The following MALRD1 variants were observed in gnomAD, a reference collection of about 807,000 sequenced individuals.
The protein encoded by MALRD1 is MAM and LDL receptor class A domain containing 1, also known as MAM and LDL-receptor class A domain-containing protein 1.
MALRD1 carries 247 observed loss-of-function variants against 242.1 expected under a neutral mutation model. That is an observed-to-expected ratio of 1.02 (90% confidence interval 0.92 to 1.13). The LOEUF is 1.13. Among genes scored for constraint, MALRD1 ranks in the 50% most tolerant of loss-of-function variants. The pLI is 0.00. For synonymous variants in MALRD1, 995 were observed against 866.6 expected, an observed-to-expected ratio of 1.15 and a Z score of -2.60; for missense variants, 2,989 against 2,533.1, an observed-to-expected ratio of 1.18 and a Z score of -3.86.
At chr10:19,176,672 C>A (rs1835264301) in intron 14 of MALRD1, among the ~76,000 whole-genome samples, 1 of 152,030 alleles carries the variant, frequency 6.6e-6, no homozygotes, top group Non-Finnish European at 1.5e-5. Flanking sequence ...CCGCGCCCGG[C>A]CCTGGGTGCT....
At chr10:19,591,847 G>C (rs77964087) in intron 33 of MALRD1, among the ~76,000 whole-genome samples, 26 of 152,248 alleles carry the variant, frequency 1.7e-4, no homozygotes, top group African/African-American at 6.3e-4. Flanking sequence ...CAAGTCAAAA[G>C]ATAAAGATAG....
At chr10:19,583,532 A>G (rs1189609328) in intron 33 of MALRD1, among the ~76,000 whole-genome samples, 1 of 150,628 alleles carries the variant, frequency 6.6e-6, no homozygotes, top group African/African-American at 2.4e-5. Flanking sequence ...ACATTTATTG[A>G]TTTGCGTATA....
intron 5 of MALRD1, among the ~76,000 whole-genome samples, chr10:19,111,039 T>C (rs1836660391): frequency 6.6e-6 from 1 of 152,204 alleles, no homozygotes. Flanking sequence ...AAGATTTTGC[T>C]ATCATTTTAG....
chr10:19,171,658 CTATGTGTGTATATAAATACACACATA>C (rs1036103925), intron 13 of MALRD1, among the ~76,000 whole-genome samples: 2 of 139,356 alleles, frequency 1.4e-5, no homozygotes, highest in Non-Finnish European at 3.1e-5. Flanking sequence ...ATATATATGT[CTATGTGTGTATATAAATACACACATA>C]TATGTGTGTA....
At chr10:19,146,388 C>T (rs756320929) in intron 11 of MALRD1, 44 bp downstream of exon 11, 104 of 1,206,450 alleles carry the variant, frequency 8.6e-5, no homozygotes, top group Non-Finnish European at 1.0e-4. Flanking sequence ...TTCTTTCTTG[C>T]ATGTTGTGGA....
At chr10:19,315,193 A>T (rs11009418) in intron 21 of MALRD1, among the ~76,000 whole-genome samples, 39 of 124,318 alleles carry the variant, frequency 3.1e-4, no homozygotes, top group Admixed American at 4.5e-4. Context: ...TATAAATATA[A>T]TTTATAGAAA....
intron 24 of MALRD1, among the ~76,000 whole-genome samples, chr10:19,336,146 A>C (rs1843603111): frequency 6.6e-6 from 1 of 152,240 alleles, no homozygotes; most frequent in African/African-American, 2.4e-5. Flanking sequence ...ATTTTAAAAA[A>C]TAATCTGAAT....
chr10:19,165,270 GTTTTGTTTTGT>G (rs1588637699), intron 12 of MALRD1, among the ~76,000 whole-genome samples: 1 of 62,164 alleles, frequency 1.6e-5, no homozygotes, highest in East Asian at 5.2e-4. Context: ...TATATATTTT[GTTTTGTTTTGT>G]TTTTGTTTTG....
intron 29 of MALRD1, among the ~76,000 whole-genome samples, chr10:19,461,898 T>G (rs1195465379): frequency 6.6e-6 from 1 of 152,126 alleles, no homozygotes; most frequent in Non-Finnish European, 1.5e-5. Context: ...TTACCGTACA[T>G]AAAGAAAACA....
intron 24 of MALRD1, among the ~76,000 whole-genome samples, chr10:19,344,723 G>T (rs561322137): frequency 4.7e-5 from 7 of 150,518 alleles, no homozygotes; most frequent in African/African-American, 7.3e-5. Context: ...TGTCAATTGG[G>T]GGGGGGGAGT....
chr10:19,164,309 C>T (rs60811224), intron 12 of MALRD1, among the ~76,000 whole-genome samples: 1,795 of 152,016 alleles, frequency 0.012, 41 homozygotes, highest in African/African-American at 0.041. Flanking sequence ...TTTTTTTGGT[C>T]AACATTCATC....
chr10:19,174,832 C>T (rs1297882783), intron 13 of MALRD1, among the ~76,000 whole-genome samples: 2 of 151,974 alleles, frequency 1.3e-5, no homozygotes, highest in Non-Finnish European at 2.9e-5. Flanking sequence ...TCATTGCCTT[C>T]AGCACACTGA....
rs1838552290 is a variant in MALRD1 at position 19,238,476 on chromosome 10, A to ATGTATATTATATATAATATATAT, written c.2992-19207_2992-19206insGTATATTATATATAATATATATT. On this transcript the variant is annotated intron_variant, in intron 18 of 39. Coordinates refer to ENST00000454679, the MANE Select transcript of MALRD1 (RefSeq NM_001142308.3). ...TATATAATATATAATATAATATATA[A>ATGTATATTATATATAATATATAT]TATACATTATATATAATATATAATA... Among the ~76,000 whole-genome samples the ATGTATATTATATATAATATATAT allele has an allele frequency of 2.6e-4, 6 of 22,644 alleles. 1 individual carries two copies. Among genetic ancestry groups the ATGTATATTATATATAATATATAT allele is most frequent in the African/African-American group, 1.6e-3 (6 of 3,700 alleles). 14.9% of individuals were successfully genotyped at this position (22,644 alleles called of 152,430 possible).
At chr10:19,318,638 C>T (rs1842800723) in intron 21 of MALRD1, among the ~76,000 whole-genome samples, 1 of 151,746 alleles carries the variant, frequency 6.6e-6, no homozygotes, top group African/African-American at 2.4e-5. Context: ...GTAATTTCTC[C>T]ATGGTCTCCA....
chr10:19,306,686 T>G (rs903111164), intron 21 of MALRD1, among the ~76,000 whole-genome samples: 1 of 151,266 alleles, frequency 6.6e-6, no homozygotes, highest in Admixed American at 6.6e-5. Context: ...CTCAGTAATT[T>G]ATACATAAAA....
chr10:19,505,841 G>A (rs1427136151), intron 31 of MALRD1, among the ~76,000 whole-genome samples: 4 of 152,154 alleles, frequency 2.6e-5, no homozygotes, highest in African/African-American at 4.8e-5. Flanking sequence ...ATAATCATGA[G>A]ATAATTACAG....
chr10:19,339,561 C>G (rs1843750809), intron 24 of MALRD1, among the ~76,000 whole-genome samples: 1 of 152,158 alleles, frequency 6.6e-6, no homozygotes, highest in Non-Finnish European at 1.5e-5. Flanking sequence ...TGCTTGCCAT[C>G]CTGGCCATTG....
intron 8 of MALRD1, 86 bp from the exon 9 acceptor site, chr10:19,133,770 T>C (rs1359650916): frequency 4.0e-6 from 2 of 500,064 alleles, no homozygotes; most frequent in Non-Finnish European, 6.2e-6. Context: ...AGGTAATACC[T>C]ACTACAGTGT....
chr10:19,314,273 G>C (rs576893846), intron 21 of MALRD1, among the ~76,000 whole-genome samples: 3 of 151,734 alleles, frequency 2.0e-5, no homozygotes, highest in Admixed American at 6.6e-5. Flanking sequence ...CATGGAAGGT[G>C]CTGTAGAATT....
Sources: gnomAD v4.1 joint callset for allele counts (sites outside exome capture counted in the v4.1 genomes callset) on GRCh38, gnomAD v4.1.1 for gene constraint, MANE v1.5 for transcripts, NCBI Gene and HGNC (gene_info 2026-07-23, HGNC 2026-07-21) for gene names.